CHN2: variants seen among roughly 807,000 people sequenced by gnomAD.
CHN2 encodes the protein chimerin 2, also known as beta-chimaerin.
CHN2 carries 35 observed loss-of-function variants against 56.3 expected under a neutral mutation model. That is an observed-to-expected ratio of 0.62 (90% CI 0.47 to 0.82). The LOEUF is 0.82. CHN2 is among the 40% of genes least tolerant of loss of function. CHN2 has a pLI of 0.00. For synonymous variants in CHN2, 210 were observed against 212.8 expected, an observed-to-expected ratio of 0.99 and a Z score of 0.12; for missense variants, 491 against 580.5, an observed-to-expected ratio of 0.85 and a Z score of 1.58.
At chr7:29,462,867 A>G (rs1785268571) in intron 6 of CHN2, among the ~76,000 whole-genome samples, 1 of 149,794 alleles carries the variant, frequency 6.7e-6, no homozygotes, top group African/African-American at 2.4e-5. Flanking sequence ...TGCACCCAAT[A>G]ACTCGTCATT....
intron 6 of CHN2, among the ~76,000 whole-genome samples, chr7:29,434,037 T>C (rs1267736440): frequency 6.6e-6 from 1 of 152,140 alleles, no homozygotes; most frequent in African/African-American, 2.4e-5. Flanking sequence ...GGATCTTCCC[T>C]CTTGGCCATC....
chr7:29,415,329 G>A (rs894205468), intron 6 of CHN2, among the ~76,000 whole-genome samples: 3 of 152,250 alleles, frequency 2.0e-5, no homozygotes, highest in African/African-American at 7.2e-5. Context: ...GAAAGCTGAT[G>A]CTAGAGATGG....
chr7:29,159,390 AT>A (rs757536637), intron 2 of CHN2, among the ~76,000 whole-genome samples: 1 of 152,214 alleles, frequency 6.6e-6, no homozygotes, highest in Admixed American at 6.5e-5. Flanking sequence ...GGGATGAATT[AT>A]TCTATACCAG....
chr7:29,216,808 T>C (rs1481911955), intron 1 of CHN2, among the ~76,000 whole-genome samples: 1 of 152,244 alleles, frequency 6.6e-6, no homozygotes, highest in African/African-American at 2.4e-5. Flanking sequence ...GAAGGGGAAA[T>C]TAACCGGCTA....
chr7:29,477,524 C>A (rs1286975742), intron 6 of CHN2, among the ~76,000 whole-genome samples: 3 of 152,218 alleles, frequency 2.0e-5, no homozygotes, highest in Admixed American at 6.5e-5. Context: ...TTTGCCCTTA[C>A]ACAAATGGCT....
chr7:29,494,458 CTT>C (rs1315177620), intron 7 of CHN2, among the ~76,000 whole-genome samples: 1 of 152,112 alleles, frequency 6.6e-6, no homozygotes, highest in Non-Finnish European at 1.5e-5. Context: ...CTGAGGAACT[CTT>C]TTAGTACTGC....
At chr7:29,155,654 C>T (rs1272337187) in intron 2 of CHN2, among the ~76,000 whole-genome samples, 3 of 152,186 alleles carry the variant, frequency 2.0e-5, no homozygotes, top group African/African-American at 7.2e-5. Flanking sequence ...GGAATACAAG[C>T]TTTGGATTCT....
intron 1 of CHN2, among the ~76,000 whole-genome samples, chr7:29,311,404 A>G (rs1794595924): frequency 6.6e-6 from 1 of 152,132 alleles, no homozygotes; most frequent in East Asian, 1.9e-4. Context: ...GAACCTTTTA[A>G]TCTCTACTGC....
In CHN2 at chr7:29,336,759, CAAAAAAAAAAA is replaced by C. The variant is rs5883205; in HGVS notation, c.50-17846_50-17836del. 7.1e-3 allele frequency among the ~76,000 whole-genome samples: 487 copies of C among 68,578 alleles called. 16 individuals carry two copies. The highest frequency in any genetic ancestry group is 8.9e-3 in the Non-Finnish European group (359 of 40,476). The allele number at this position is 68,578 out of a possible 152,430, so 45.0% of individuals were successfully genotyped here. ...TGAGTAACAGAGCAAGATTCTGTCT[CAAAAAAAAAAA>C]AAAAAAAAAAAAAAAAAAAGCTTCA... On this transcript the variant is annotated intron_variant, in intron 1 of 12. Transcript: ENST00000222792.
At chr7:29,203,807 A>G (rs1420106813) in intron 1 of CHN2, among the ~76,000 whole-genome samples, 2 of 152,208 alleles carry the variant, frequency 1.3e-5, no homozygotes, top group African/African-American at 4.8e-5. Flanking sequence ...TTAGTCCCAG[A>G]CATTGAGAGA....
intron 1 of CHN2, among the ~76,000 whole-genome samples, chr7:29,325,423 C>T (rs1250648029): frequency 2.0e-5 from 3 of 152,138 alleles, no homozygotes; most frequent in East Asian, 3.9e-4. Flanking sequence ...GTAGGAAAGC[C>T]AATGGCAGCT....
At chr7:29,401,750 G>C (rs144933395) in intron 6 of CHN2, among the ~76,000 whole-genome samples, 3 of 152,190 alleles carry the variant, frequency 2.0e-5, no homozygotes, top group Non-Finnish European at 4.4e-5. Context: ...GTATGCAGGC[G>C]GGGGGTAGAT....
intron 6 of CHN2, among the ~76,000 whole-genome samples, chr7:29,452,467 G>T (rs1784470955): frequency 6.6e-6 from 1 of 152,196 alleles, no homozygotes; most frequent in Non-Finnish European, 1.5e-5. Flanking sequence ...TAGTACACCT[G>T]CAGTATGCCT....
At chr7:29,428,142 TCA>T (rs2128111254) in intron 6 of CHN2, among the ~76,000 whole-genome samples, 1 of 152,332 alleles carries the variant, frequency 6.6e-6, no homozygotes, top group East Asian at 1.9e-4. Flanking sequence ...TCTCTCTGCC[TCA>T]GTTTCCTCAT....
At chr7:29,423,833 C>T (rs923404799) in intron 6 of CHN2, among the ~76,000 whole-genome samples, 1 of 152,184 alleles carries the variant, frequency 6.6e-6, no homozygotes, top group Non-Finnish European at 1.5e-5. Flanking sequence ...TGAAACATCC[C>T]ATATCCTGGT....
At chr7:29,472,177 C>T (rs1786114899) in intron 6 of CHN2, among the ~76,000 whole-genome samples, 1 of 150,894 alleles carries the variant, frequency 6.6e-6, no homozygotes, top group African/African-American at 2.4e-5. Context: ...AGAACCAGCT[C>T]CACAATGCCA....
chr7:29,445,279 C>G, intron 6 of CHN2: 2 of 395,192 alleles, frequency 5.1e-6, no homozygotes, highest in South Asian at 3.8e-5. Flanking sequence ...ACAAATACCC[C>G]AAACAGGCCT....
intron 2 of CHN2, chr7:29,184,380 A>AT (rs1387707917): frequency 6.6e-6 from 1 of 152,046 alleles, no homozygotes; most frequent in Non-Finnish European, 1.5e-5. Context: ...ACTGTATGAG[A>AT]TATACAGATA....
intron 1 of CHN2, among the ~76,000 whole-genome samples, chr7:29,209,160 C>T (rs1373615934): frequency 6.6e-6 from 1 of 151,980 alleles, no homozygotes; most frequent in East Asian, 1.9e-4. Flanking sequence ...TCCTGGAGTG[C>T]AGATGGTCCA....
Sources: allele counts gnomAD v4.1 joint callset (sites outside exome capture counted in the v4.1 genomes callset), GRCh38; gene constraint gnomAD v4.1.1; transcripts MANE v1.5; gene names NCBI Gene and HGNC (gene_info 2026-07-23, HGNC 2026-07-21).